NOLC1: variants seen among roughly 807,000 people sequenced by gnomAD.
NOLC1 encodes nucleolar and coiled-body phosphoprotein 1.
NOLC1 carries 37 observed loss-of-function variants against 73.4 expected under a neutral mutation model. That is an observed-to-expected ratio of 0.50 (90% confidence interval 0.39 to 0.66). The LOEUF (loss-of-function observed/expected upper bound fraction) is 0.66. Ranked by LOEUF, NOLC1 falls within the 30% of genes least tolerant of loss-of-function variation. NOLC1 has a pLI of 0.00. For missense variants in NOLC1, 921 were observed against 838.9 expected (o/e 1.10, Z -1.21); for synonymous variants, 327 against 302.6 (o/e 1.08, Z -0.84).
At position 102,159,272 on chromosome 10, in the gene NOLC1, C is replaced by T; in HGVS notation, c.687C>T (p.Asp229=). The change falls in exon 6 of 13, where the codon GAC becomes GAT. Residue 229 remains aspartate (D), a synonymous_variant. Coordinates refer to ENST00000605788, the MANE Select transcript of NOLC1 (RefSeq NM_004741.5). ...GCAGCAGCAGCAGTAGCAGTGATGA[C>T]TCAGAGGAGGAGAAGGCAGCAGCCA... is the stretch of plus-strand genomic sequence containing the variant. ...SSSSSSSSSD[D]SEEEKAAATP... is the part of the protein sequence containing the mutation. 2 of 1,614,046 alleles carry T rather than the reference C, an allele frequency of 1.2e-6. No individual in the cohort carries two copies. The highest frequency in any genetic ancestry group is 1.7e-6 in the Non-Finnish European group (2 of 1,180,018).
At position 102,160,557 on chromosome 10, in the gene NOLC1, C is replaced by G; in HGVS notation, c.1205C>G (p.Pro402Arg). Residue 402 changes from proline (P) to arginine (R), a missense_variant, in exon 10 of 13, where the codon CCA (proline) becomes CGA (arginine). Coordinates refer to ENST00000605788, the MANE Select transcript of NOLC1 (RefSeq NM_004741.5). ...AVTTKSPAVK[P>R]AAAPKQPVGG... ...ACCACCAAGTCACCTGCAGTGAAGC[C>G]AGCTGCAGCCCCCAAGCAACCTGTG... The G allele has an allele frequency of 6.2e-7, 1 of 1,614,202 alleles. No homozygotes were observed. The highest frequency in any genetic ancestry group is 1.1e-5 in the South Asian group (1 of 91,082).
At chr10:102,161,215 A>T in intron 10 of NOLC1, 122 bp downstream of exon 10, 1 of 983,272 alleles carries the variant, frequency 1.0e-6, no homozygotes, top group Non-Finnish European at 1.5e-6. Context: ...GGAAACTGGG[A>T]GGAAGAACAG....
chr10:102,161,000 T>A lies in NOLC1; in HGVS notation c.1648T>A (p.Ser550Thr). Residue 550 changes from serine to threonine, a missense_variant, in exon 10 of 13, where the codon TCT (serine) becomes ACT (threonine). Transcript: ENST00000605788. ...RPQAPKANGT[S>T]ALTAQNGKAA... ...ACAAGCCCCCAAGGCCAATGGCACC[T>A]CTGCACTGACTGCCCAGAATGGAAA... 6.2e-7 allele frequency: 1 copy of A among 1,613,920 alleles called. No individual in the cohort carries two copies. Among genetic ancestry groups the A allele is most frequent in the South Asian group, 1.1e-5 (1 of 91,068 alleles).
chr10:102,153,669 ATTCTT>A (rs1363866878), intron 1 of NOLC1, among the ~76,000 whole-genome samples: 1 of 127,254 alleles, frequency 7.9e-6, no homozygotes, highest in Non-Finnish European at 1.6e-5. Flanking sequence ...CAGAATTAGG[ATTCTT>A]TTTTTTTTTT....
chr10:102,159,326 T>C lies in NOLC1; in HGVS notation c.723+18T>C. On this transcript the variant is annotated intron_variant, in intron 6 of 12. Coordinates refer to ENST00000605788, the MANE Select transcript of NOLC1 (RefSeq NM_004741.5). ...CCAAGAAGGTCTGGACCATAACTTC[T>C]GTCAGGGCAGAGGTGACCAGGGTGT... 1 of 1,614,084 alleles carries C rather than the reference T, an allele frequency of 6.2e-7. No homozygotes were observed. Among genetic ancestry groups the C allele is most frequent in the Non-Finnish European group, 8.5e-7 (1 of 1,179,972 alleles).
At chr10:102,157,393 C>T in intron 3 of NOLC1, 38 bp from the exon 4 acceptor site, 1 of 1,613,716 alleles carries the variant, frequency 6.2e-7, no homozygotes, top group Non-Finnish European at 8.5e-7. Flanking sequence ...GCTTGTTTCA[C>T]ATGGCTGATT....
chr10:102,161,706 T>C (rs1337239692), intron 11 of NOLC1, 44 bp downstream of exon 11: 2 of 1,567,578 alleles, frequency 1.3e-6, no homozygotes, highest in Non-Finnish European at 1.8e-6. Flanking sequence ...TCTTTAAAAG[T>C]AGAAAAATCT....
rs189026268 is a variant in NOLC1 at position 102,155,117 on chromosome 10, G to A, written c.121-1902G>A. On this transcript the variant is annotated intron_variant, in intron 1 of 12. Transcript: ENST00000605788. The stretch of plus-strand genomic sequence containing the variant: ...GGCTCACCACAACCTCCACCTCCTG[G>A]GTTCAAGCGATTCTCCTGCCTTAGC... Among the ~76,000 whole-genome samples the A allele has an allele frequency of 2.5e-3, 384 of 151,442 alleles. 2 individuals are homozygous for A. Among genetic ancestry groups the A allele is most frequent in the African/African-American group, 8.8e-3 (362 of 41,200 alleles).
At chr10:102,158,727 T>C (rs1416929450) in intron 5 of NOLC1, among the ~76,000 whole-genome samples, 1 of 152,214 alleles carries the variant, frequency 6.6e-6, no homozygotes, top group Non-Finnish European at 1.5e-5. Context: ...TGCCATGGGA[T>C]AGGAAAGGTA....
Position 102,158,195 on chromosome 10 carries a change from T to C in NOLC1, c.588T>C (p.Thr196=), listed in dbSNP as rs1564969216. The part of the protein sequence containing the change: ...KITPVTVKAQ[T]KAPPKPARAA... ...CACCTGTGACAGTTAAAGCTCAGAC[T>C]AAAGCCCCTCCCAAACCAGGTACTG... is the stretch of plus-strand genomic sequence containing the variant. Residue 196 remains threonine (T), a synonymous_variant, in exon 5 of 13, where the codon ACT becomes ACC. Coordinates refer to ENST00000605788, the MANE Select transcript of NOLC1 (RefSeq NM_004741.5). 6.2e-7 allele frequency: 1 copy of C among 1,614,094 alleles called. No homozygotes were observed. The highest frequency in any genetic ancestry group is 8.5e-7 in the Non-Finnish European group (1 of 1,179,988).
Position 102,152,418 on chromosome 10 carries a change from A to T in NOLC1, c.8A>T (p.Asp3Val). Reference protein sequence around the residue: MADAGIRRVVPSD... With the variant: MAVAGIRRVVPSD... ...ACGCGTATTGCCTGGAGGATGGCGG[A>T]CGCCGGCATTCGCCGCGTGGTTCCC... The change falls in exon 1 of 13, where the codon GAC becomes GTC. Residue 3 changes from aspartate to valine, a missense_variant. Physicochemically the swap from Asp to Val is radical, Grantham distance 152 (BLOSUM62 -3). Coordinates refer to ENST00000605788, the MANE Select transcript of NOLC1 (RefSeq NM_004741.5). The T allele has an allele frequency of 6.2e-7, 1 of 1,610,528 alleles. No individual in the cohort carries two copies. The highest frequency in any genetic ancestry group is 1.3e-5 in the African/African-American group (1 of 75,062).
intron 1 of NOLC1, among the ~76,000 whole-genome samples, chr10:102,155,532 TGA>T (rs2069581350): frequency 1.3e-5 from 2 of 149,590 alleles, no homozygotes; most frequent in South Asian, 2.1e-4. Flanking sequence ...TTTTTTTTTT[TGA>T]GACTTACTCT....
Position 102,157,049 on chromosome 10 carries a change from T to G in NOLC1, c.151T>G (p.Leu51Val), listed in dbSNP as rs777568279. The change falls in exon 2 of 13, where the codon TTA becomes GTA. Residue 51 changes from leucine (L) to valine (V), a missense_variant. Transcript: ENST00000605788. ...TQQDANASSL[L>V]DIYSFWLKSA... ...GCAGGATGCCAATGCCTCTTCCCTC[T>G]TAGACATCTATAGCTTCTGGCTCAA... is the stretch of plus-strand genomic sequence containing the variant. The G allele has an allele frequency of 8.7e-6, 14 of 1,614,118 alleles. No homozygotes were observed. The highest frequency in any genetic ancestry group is 1.2e-5 in the Non-Finnish European group (14 of 1,180,038).
chr10:102,160,147 T>C, intron 8 of NOLC1, 86 bp from the exon 9 acceptor site: 4 of 1,592,426 alleles, frequency 2.5e-6, no homozygotes, highest in Non-Finnish European at 2.6e-6. Flanking sequence ...GAGCTAAGGC[T>C]CTGTGCGTGT....
At chr10:102,157,835 G>A (rs773741340) in intron 4 of NOLC1, among the ~76,000 whole-genome samples, 15 of 152,118 alleles carry the variant, frequency 9.9e-5, no homozygotes, top group Middle Eastern at 3.2e-3. Context: ...ATAAGAGAGA[G>A]TGTTTTCCTG....
intron 1 of NOLC1, 120 bp downstream of exon 1, chr10:102,152,650 C>T: frequency 7.1e-7 from 1 of 1,409,732 alleles, no homozygotes; most frequent in Non-Finnish European, 9.6e-7. Flanking sequence ...TCTGCAAGGC[C>T]TTTACGCCGA....
intron 11 of NOLC1, 32 bp from the exon 12 acceptor site, chr10:102,161,801 T>C (rs2069713819): frequency 6.2e-7 from 1 of 1,602,564 alleles, no homozygotes; most frequent in South Asian, 1.1e-5. Flanking sequence ...ATGACCACTC[T>C]GTCTTTAATT....
intron 1 of NOLC1, among the ~76,000 whole-genome samples, chr10:102,153,543 A>G (rs2069541511): frequency 6.6e-6 from 1 of 152,234 alleles, no homozygotes; most frequent in Admixed American, 6.5e-5. Context: ...AACTTCCTTA[A>G]GCTGGGACAG....
rs2069672956 is a variant in NOLC1, at chr10:102,160,024, G to A, written c.988G>A (p.Asp330Asn). ...ESSEDSSDESDSSSEEEKKPP... is the reference protein window; with the variant it reads ...ESSEDSSDESNSSSEEEKKPP... ...CAGTGAAGACAGCAGTGATGAGTCT[G>A]GTGAGTCAGAGGGATGCAGCCTCCC... Residue 330 changes from aspartate (D) to asparagine (N), a missense_variant and splice_region_variant, in exon 8 of 13, where the codon GAT (aspartate) becomes AAT (asparagine). Asp to Asn is a conservative substitution (Grantham distance 23, BLOSUM62 1). Transcript: ENST00000605788. 2.5e-6 allele frequency: 4 copies of A among 1,612,540 alleles called. No homozygotes were observed. The highest frequency in any genetic ancestry group is 3.4e-6 in the Non-Finnish European group (4 of 1,179,272).
Sources: gnomAD v4.1 joint callset for allele counts (sites outside exome capture counted in the v4.1 genomes callset) on GRCh38, gnomAD v4.1.1 for gene constraint, MANE v1.5 for transcripts, NCBI Gene and HGNC (gene_info 2026-07-23, HGNC 2026-07-21) for gene names.